MARK3: variants seen among roughly 807,000 people sequenced by gnomAD.
The protein encoded by MARK3 is MAP/microtubule affinity-regulating kinase 3.
Under a neutral mutation model 90.1 loss-of-function variants are expected in MARK3, and 46 were observed. The ratio of observed to expected loss-of-function variants is 0.51; its 90% confidence interval spans 0.40 to 0.65. The LOEUF (loss-of-function observed/expected upper bound fraction) is 0.65. Among genes scored for constraint, MARK3 ranks in the 30% least tolerant of loss-of-function variants. The probability of loss-of-function intolerance (pLI) is 0.00; values close to 1 mark genes in which losing one functional copy is unlikely to be tolerated. For synonymous variants in MARK3, 321 were observed against 332.6 expected (o/e 0.97, Z 0.38); for missense variants, 818 against 947.2 (o/e 0.86, Z 1.79).
At chr14:103,491,710 A>AG (rs1566937115) in intron 14 of MARK3, 67 bp from the exon 15 acceptor site, 2 of 1,527,116 alleles carry the variant, frequency 1.3e-6, no homozygotes, top group East Asian at 2.3e-5. Context: ...TGTGTATAAA[A>AG]GGTATATTGT....
At position 103,450,921 on chromosome 14, in the gene MARK3, C is replaced by CTTTTT. The variant is rs869030067; in HGVS notation, c.347-974_347-970dup. On this transcript the variant is annotated intron_variant, in intron 4 of 17. Coordinates refer to ENST00000429436, the MANE Select transcript of MARK3 (RefSeq NM_001128918.3). ...GTGTGTGTGTGTGTGTGTGTGTATT[C>CTTTTT]TTTTTTTTTTTTTTTTTTTTTTTTT... 3.0e-4 allele frequency among the ~76,000 whole-genome samples: 16 copies of CTTTTT among 52,612 alleles called. 4 individuals carry two copies. Among genetic ancestry groups the CTTTTT allele is most frequent in the Non-Finnish European group, 5.2e-4 (15 of 28,716 alleles). 34.5% of individuals were successfully genotyped at this position (52,612 alleles called of 152,430 possible). A position where few individuals can be genotyped will look rare whatever the true frequency, so the allele number is the denominator to read the frequency against.
chr14:103,414,531 T>C (rs2091849520), intron 2 of MARK3, among the ~76,000 whole-genome samples: 1 of 152,246 alleles, frequency 6.6e-6, no homozygotes, highest in African/African-American at 2.4e-5. Flanking sequence ...AGCTAAGATC[T>C]TTATTTTTGT....
intron 1 of MARK3, among the ~76,000 whole-genome samples, chr14:103,401,064 A>G (rs1288076757): frequency 2.6e-5 from 4 of 151,428 alleles, no homozygotes; most frequent in South Asian, 2.1e-4. Flanking sequence ...ACTCATAATT[A>G]TTTGTTTAAA....
chr14:103,427,622 A>T (rs141251098), intron 2 of MARK3, among the ~76,000 whole-genome samples: 66 of 152,160 alleles, frequency 4.3e-4, no homozygotes, highest in African/African-American at 1.4e-3. Context: ...TGAATTATTC[A>T]TGAGCTTTCT....
intron 6 of MARK3, among the ~76,000 whole-genome samples, chr14:103,459,665 AATTTTTT>A (rs2093354176): frequency 7.5e-6 from 1 of 133,472 alleles, no homozygotes; most frequent in Non-Finnish European, 1.6e-5. Flanking sequence ...ACGCCCAGCT[AATTTTTT>A]ATTTTTTTTT....
At chr14:103,472,692 TAC>T (rs1228267240) in intron 12 of MARK3, among the ~76,000 whole-genome samples, 1 of 144,524 alleles carries the variant, frequency 6.9e-6, no homozygotes, top group Non-Finnish European at 1.5e-5. Context: ...GACACATCCA[TAC>T]CATGGACTAC....
chr14:103,472,774 G>A lies in MARK3; in HGVS notation c.1265-2219G>A, dbSNP rs1159473511. Among the ~76,000 whole-genome samples, 35 of 152,080 alleles carry A rather than the reference G, an allele frequency of 2.3e-4. 1 individual carries two copies. Among genetic ancestry groups the A allele is most frequent in the Non-Finnish European group, 5.9e-5 (4 of 68,030 alleles). ...TGTAATCCCAACACTTTGAGAGGCC[G>A]AGGCAGGCAGATCACGAGGTCAAGA... On this transcript the variant is annotated intron_variant, in intron 12 of 17. Coordinates refer to ENST00000429436, the MANE Select transcript of MARK3 (RefSeq NM_001128918.3).
At chr14:103,465,019 G>C (rs566461342) in intron 7 of MARK3, among the ~76,000 whole-genome samples, 10 of 152,272 alleles carry the variant, frequency 6.6e-5, no homozygotes, top group African/African-American at 2.4e-4. Context: ...CCAGGCTGGA[G>C]TGCAGTGGCA....
intron 2 of MARK3, among the ~76,000 whole-genome samples, chr14:103,405,761 TTTGTA>T (rs1371824861): frequency 3.2e-3 from 469 of 145,920 alleles, no homozygotes; most frequent in African/African-American, 6.3e-3. Context: ...TTTTTTTTTT[TTTGTA>T]TTTTTGTATT....
Position 103,490,667 on chromosome 14 carries a change from C to T in MARK3, c.1587-1110C>T, listed in dbSNP as rs548180420. 94 of 158,210 alleles carry T rather than the reference C, an allele frequency of 5.9e-4. 1 individual carries two copies. In the Middle Eastern group the frequency reaches 0.013, roughly 21 times the overall value. The allele number at this position is 158,210 out of a possible 1,614,324, so 9.8% of individuals were successfully genotyped here. ...AGAATAGGTTTTATTTTGTGCATAC[C>T]CTCAGAGGACATTGTCCCTCTCATA... On this transcript the variant is annotated intron_variant, in intron 14 of 17. Coordinates refer to ENST00000429436, the MANE Select transcript of MARK3 (RefSeq NM_001128918.3).
At position 103,503,219 on chromosome 14, in the gene MARK3, A is replaced by C. The variant is rs181062547; in HGVS notation, c.2254A>C (p.Lys752Gln). 1 of 1,609,290 alleles carries C rather than the reference A, an allele frequency of 6.2e-7. No individual in the cohort carries two copies. Among genetic ancestry groups the C allele is most frequent in the East Asian group, 2.2e-5 (1 of 44,776 alleles). ...NIASKIANELKL is the reference protein window; with the variant it reads ...NIASKIANELQL ...TGCTTCCAAAATTGCCAATGAGCTA[A>C]AGCTGTAACCCAGTGATTATGATGT... Residue 752 changes from lysine (K) to glutamine (Q), a missense_variant, in exon 18 of 18, where the codon AAG (lysine) becomes CAG (glutamine). Physicochemically the swap from Lys to Gln is moderately conservative, Grantham distance 53. Around this residue, in one of 3 missense-constraint regions of MARK3, gnomAD observed 560 missense variants for 613.5 expected, o/e 0.91. Coordinates refer to ENST00000429436, the MANE Select transcript of MARK3 (RefSeq NM_001128918.3).
intron 1 of MARK3, among the ~76,000 whole-genome samples, chr14:103,391,112 C>T (rs900952807): frequency 1.3e-5 from 2 of 152,144 alleles, no homozygotes; most frequent in Admixed American, 6.5e-5. Flanking sequence ...CTCTAGTGGA[C>T]ATTTGACAAT....
At chr14:103,397,208 G>A (rs7149767) in intron 1 of MARK3, among the ~76,000 whole-genome samples, 52,594 of 151,782 alleles carry the variant, frequency 0.35, 9,614 homozygotes, top group East Asian at 0.5. Flanking sequence ...CTATTCCCCC[G>A]TTAGCACCCC....
At chr14:103,440,122 G>A (rs1240087000) in intron 3 of MARK3, among the ~76,000 whole-genome samples, 1 of 152,148 alleles carries the variant, frequency 6.6e-6, no homozygotes, top group Non-Finnish European at 1.5e-5. Flanking sequence ...GTTCCATGTT[G>A]ATGTATTTTG....
chr14:103,428,481 C>A, intron 3 of MARK3, 41 bp downstream of exon 3: 3 of 1,167,964 alleles, frequency 2.6e-6, no homozygotes, highest in Non-Finnish European at 3.7e-6. Flanking sequence ...AAAAAATTAT[C>A]GGTGCTAATT....
chr14:103,494,972 C>T (rs192685715), intron 15 of MARK3, among the ~76,000 whole-genome samples: 1 of 152,236 alleles, frequency 6.6e-6, no homozygotes, highest in African/African-American at 2.4e-5. Context: ...TCATTTTATA[C>T]ATATAAATAT....
At chr14:103,432,841 G>A (rs1377250582) in intron 3 of MARK3, among the ~76,000 whole-genome samples, 1 of 152,124 alleles carries the variant, frequency 6.6e-6, no homozygotes, top group Non-Finnish European at 1.5e-5. Flanking sequence ...GGGCAACAGA[G>A]CAAGACCCTG....
At chr14:103,420,334 G>C (rs6575986) in intron 2 of MARK3, among the ~76,000 whole-genome samples, 1 of 151,698 alleles carries the variant, frequency 6.6e-6, no homozygotes, top group Non-Finnish European at 1.5e-5. Context: ...GGCCCAAGCA[G>C]TCCTTCCACC....
In MARK3 at chr14:103,462,611, G is replaced by A. The variant is rs571059818; in HGVS notation, c.540+150G>A. 483 of 491,572 alleles carry A rather than the reference G, an allele frequency of 9.8e-4. 3 individuals carry two copies. The highest frequency in any genetic ancestry group is 1.6e-3 in the Admixed American group (46 of 28,190). 30.5% of individuals were successfully genotyped at this position (491,572 alleles called of 1,614,324 possible). On this transcript the variant is annotated intron_variant, in intron 7 of 17. Transcript: ENST00000429436. The stretch of plus-strand genomic sequence containing the variant: ...ATCCTCTTAATCAAGTTATGGGAAA[G>A]AGCATTAAAAATAAAGAAAAATAAA...
Sources: gnomAD v4.1 joint callset for allele counts (sites outside exome capture counted in the v4.1 genomes callset) on GRCh38, gnomAD v4.1.1 for gene constraint, gnomAD v4.1.1 regional missense constraint, MANE v1.5 for transcripts, NCBI Gene and HGNC (gene_info 2026-07-23, HGNC 2026-07-21) for gene names.